Variants in EML6 observed in about 807,000 individuals in gnomAD.
The protein encoded by EML6 is echinoderm microtubule-associated protein-like 6.
Under a neutral mutation model 240.1 loss-of-function variants are expected in EML6, and 154 were observed. The observed-to-expected ratio is 0.64, with a 90% CI of 0.56 to 0.73. The LOEUF is 0.73. Ranked by LOEUF, EML6 falls within the 30% of genes least tolerant of loss-of-function variation. EML6 has a pLI of 0.00. For missense variants in EML6, 2,964 were observed against 2,474.6 expected (o/e 1.20, Z -4.20); for synonymous variants, 1,148 against 899.0 (o/e 1.28, Z -4.95).
intron 2 of EML6, among the ~76,000 whole-genome samples, chr2:54,738,026 A>C (rs1479824588): frequency 6.6e-6 from 1 of 152,176 alleles, no homozygotes; most frequent in Non-Finnish European, 1.5e-5. Context: ...CACTTCCCTT[A>C]GGTGCCTGAT....
intron 2 of EML6, among the ~76,000 whole-genome samples, chr2:54,798,235 C>T (rs143703580): frequency 0.013 from 1,937 of 152,234 alleles, 22 homozygotes; most frequent in Non-Finnish European, 0.018. Context: ...TGCAGTGGCA[C>T]CATCTCGGCT....
At chr2:54,738,485 C>T (rs141043249) in intron 2 of EML6, among the ~76,000 whole-genome samples, 1 of 152,272 alleles carries the variant, frequency 6.6e-6, no homozygotes, top group East Asian at 1.9e-4. Flanking sequence ...GATCAATTCT[C>T]ACAAACCCAA....
chr2:54,850,836 G>A (rs1670039876), intron 10 of EML6, among the ~76,000 whole-genome samples: 2 of 152,194 alleles, frequency 1.3e-5, no homozygotes, highest in East Asian at 1.9e-4. Flanking sequence ...TAAATGTGGT[G>A]TAGTCATATA....
chr2:54,968,760 C>A lies in EML6; in HGVS notation c.5844C>A (p.Asp1948Glu). The A allele has an allele frequency of 6.5e-7, 1 of 1,527,890 alleles. No individual in the cohort carries two copies. Among genetic ancestry groups the A allele is most frequent in the Non-Finnish European group, 8.9e-7 (1 of 1,125,314 alleles). The allele number at this position is 1,527,890 out of a possible 1,614,324, so 94.6% of individuals were successfully genotyped here. Reference protein sequence around the residue: ...DDKYVVSTGGDDCSVFVWRCL With the variant: ...DDKYVVSTGGEDCSVFVWRCL Reference sequence around the variant, plus strand: ...AGTATGTGGTCAGCACTGGAGGAGACGACTGCAGGTACTAACGTAGCTGAC... The same window carrying A: ...AGTATGTGGTCAGCACTGGAGGAGAAGACTGCAGGTACTAACGTAGCTGAC... Residue 1948 changes from aspartate (D) to glutamate (E), a missense_variant, in exon 41 of 42, where the codon GAC becomes GAA. Physicochemically the swap from Asp to Glu is conservative, Grantham distance 45 (BLOSUM62 2). Coordinates refer to ENST00000356458, the MANE Select transcript of EML6 (RefSeq NM_001039753.4).
chr2:54,852,278 A>T (rs1670132779), intron 10 of EML6, among the ~76,000 whole-genome samples: 1 of 152,202 alleles, frequency 6.6e-6, no homozygotes, highest in Non-Finnish European at 1.5e-5. Flanking sequence ...AGTTTGTGTG[A>T]TGCTAAAATA....
At chr2:54,935,324 C>G (rs1393582770) in intron 28 of EML6, among the ~76,000 whole-genome samples, 3 of 152,222 alleles carry the variant, frequency 2.0e-5, no homozygotes, top group Non-Finnish European at 4.4e-5. Flanking sequence ...CACACAAAAT[C>G]TAGTTCATTC....
intron 28 of EML6, among the ~76,000 whole-genome samples, chr2:54,937,546 C>G (rs1289638685): frequency 1.1e-5 from 1 of 95,142 alleles, no homozygotes; most frequent in Admixed American, 1.6e-4. Context: ...GAGCAAGACT[C>G]TGTCTTTAAA....
At chr2:54,776,427 G>A (rs764369512) in intron 2 of EML6, among the ~76,000 whole-genome samples, 6 of 152,046 alleles carry the variant, frequency 3.9e-5, no homozygotes, top group Non-Finnish European at 8.8e-5. Flanking sequence ...CTTTTCTTGA[G>A]TCAGTTTTTA....
chr2:54,811,424 C>T (rs76267347), intron 2 of EML6, among the ~76,000 whole-genome samples: 10 of 152,294 alleles, frequency 6.6e-5, no homozygotes, highest in African/African-American at 2.2e-4. Context: ...CATATGAACT[C>T]GTGTCTTCCC....
At chr2:54,859,908 T>C (rs572312173) in intron 12 of EML6, among the ~76,000 whole-genome samples, 26 of 152,236 alleles carry the variant, frequency 1.7e-4, no homozygotes, top group African/African-American at 5.8e-4. Context: ...CTATACCAAA[T>C]GCAAGTTGAG....
At chr2:54,748,998 T>G (rs1684039077) in intron 2 of EML6, among the ~76,000 whole-genome samples, 1 of 152,344 alleles carries the variant, frequency 6.6e-6, no homozygotes, top group Non-Finnish European at 1.5e-5. Context: ...CTAGAGTATA[T>G]GCGTGTTTCT....
chr2:54,809,308 A>G (rs1667703864), intron 2 of EML6, among the ~76,000 whole-genome samples: 1 of 152,228 alleles, frequency 6.6e-6, no homozygotes, highest in South Asian at 2.1e-4. Flanking sequence ...GGTAAAGAAG[A>G]TGACAAGAAG....
chr2:54,926,283 G>A (rs1674540720), intron 26 of EML6, among the ~76,000 whole-genome samples: 1 of 152,192 alleles, frequency 6.6e-6, no homozygotes, highest in Non-Finnish European at 1.5e-5. Context: ...TGTATTTTTA[G>A]TAGAGTCAGG....
At chr2:54,961,020 C>T (rs1558729409) in intron 35 of EML6, among the ~76,000 whole-genome samples, 1 of 151,780 alleles carries the variant, frequency 6.6e-6, no homozygotes, top group East Asian at 1.9e-4. Context: ...TAAGAATTTG[C>T]TTTCTAGATG....
At chr2:54,960,789 A>G (rs1256044549) in intron 35 of EML6, among the ~76,000 whole-genome samples, 1 of 152,124 alleles carries the variant, frequency 6.6e-6, no homozygotes, top group Non-Finnish European at 1.5e-5. Flanking sequence ...TTTCCAACTC[A>G]TATTTGGGTA....
intron 2 of EML6, among the ~76,000 whole-genome samples, chr2:54,766,224 T>G (rs1668183464): frequency 6.6e-6 from 1 of 152,228 alleles, no homozygotes; most frequent in Non-Finnish European, 1.5e-5. Flanking sequence ...ATTTAAACAA[T>G]AGCTGATGTA....
chr2:54,851,679 CTT>C (rs1364128343), intron 10 of EML6, among the ~76,000 whole-genome samples: 1 of 152,144 alleles, frequency 6.6e-6, no homozygotes, highest in Non-Finnish European at 1.5e-5. Flanking sequence ...TTATCCAAGT[CTT>C]TTGCTTTATC....
intron 2 of EML6, among the ~76,000 whole-genome samples, chr2:54,727,885 A>G (rs1682981424): frequency 6.6e-6 from 1 of 152,230 alleles, no homozygotes; most frequent in African/African-American, 2.4e-5. Flanking sequence ...TTATAAAACC[A>G]TGTGATCTCC....
intron 5 of EML6, among the ~76,000 whole-genome samples, chr2:54,823,551 A>G (rs1317022433): frequency 2.0e-5 from 3 of 152,210 alleles, no homozygotes; most frequent in Non-Finnish European, 2.9e-5. Flanking sequence ...TTATTAGTCA[A>G]AGATGTTATC....
Sources: gnomAD v4.1 joint callset for allele counts (sites outside exome capture counted in the v4.1 genomes callset) on GRCh38, gnomAD v4.1.1 for gene constraint, MANE v1.5 for transcripts, NCBI Gene and HGNC (gene_info 2026-07-23, HGNC 2026-07-21) for gene names.